The following SPAG16 variants were observed in gnomAD, a reference collection of about 807,000 sequenced individuals.
SPAG16 encodes sperm-associated antigen 16 protein.
SPAG16 carries 86 observed loss-of-function variants against 80.4 expected under a neutral mutation model. The observed-to-expected ratio is 1.07, with a 90% confidence interval of 0.90 to 1.28. The LOEUF is 1.28. Among genes scored for constraint, SPAG16 ranks in the 50% most tolerant of loss-of-function variants. The pLI is 0.00. For missense variants in SPAG16, 870 were observed against 765.3 expected, an observed-to-expected ratio of 1.14 and a Z score of -1.61; for synonymous variants, 294 against 265.9, an observed-to-expected ratio of 1.11 and a Z score of -1.03.
At chr2:214,217,295 G>A (rs1258263473) in intron 15 of SPAG16, among the ~76,000 whole-genome samples, 2 of 152,204 alleles carry the variant, frequency 1.3e-5, no homozygotes, top group Non-Finnish European at 2.9e-5. Flanking sequence ...GCTATCCCAT[G>A]CCTTACTTGT....
At chr2:213,695,490 T>G (rs1198716572) in intron 10 of SPAG16, among the ~76,000 whole-genome samples, 1 of 152,148 alleles carries the variant, frequency 6.6e-6, no homozygotes, top group Non-Finnish European at 1.5e-5. Context: ...GTAACACATA[T>G]TAGGATCCTG....
intron 13 of SPAG16, among the ~76,000 whole-genome samples, chr2:214,102,602 A>T (rs1051609145): frequency 7.9e-5 from 12 of 152,082 alleles, no homozygotes; most frequent in African/African-American, 2.9e-4. Context: ...ATTATGGTGG[A>T]TATTTTCTAA....
chr2:213,851,800 T>C (rs1470171545), intron 10 of SPAG16, among the ~76,000 whole-genome samples: 2 of 152,180 alleles, frequency 1.3e-5, no homozygotes, highest in Admixed American at 6.5e-5. Flanking sequence ...CTCTAGGGCA[T>C]TATTAATAAG....
At chr2:213,378,803 G>A (rs2067019733) in intron 9 of SPAG16, among the ~76,000 whole-genome samples, 1 of 152,146 alleles carries the variant, frequency 6.6e-6, no homozygotes, top group Admixed American at 6.5e-5. Context: ...TTCCTGAAGG[G>A]TCTGGGCCAT....
intron 9 of SPAG16, among the ~76,000 whole-genome samples, chr2:213,415,789 T>G (rs2069221145): frequency 6.6e-6 from 1 of 152,156 alleles, no homozygotes; most frequent in South Asian, 2.1e-4. Context: ...CTTGGTTAAC[T>G]GTCGTACACA....
At chr2:213,889,156 T>C (rs2076680163) in intron 11 of SPAG16, among the ~76,000 whole-genome samples, 1 of 151,988 alleles carries the variant, frequency 6.6e-6, no homozygotes, top group Admixed American at 6.6e-5. Context: ...AATGGCACTT[T>C]AAGAAGATAG....
chr2:214,153,153 G>A (rs917844214), intron 15 of SPAG16, among the ~76,000 whole-genome samples: 2 of 151,974 alleles, frequency 1.3e-5, no homozygotes, highest in Non-Finnish European at 2.9e-5. Flanking sequence ...GACACATTTC[G>A]CTACCGCTAG....
chr2:213,721,332 C>T (rs952690342), intron 10 of SPAG16, among the ~76,000 whole-genome samples: 2 of 152,058 alleles, frequency 1.3e-5, no homozygotes, highest in East Asian at 1.9e-4. Context: ...CTCCTGACCT[C>T]AAGTGATCTG....
At chr2:213,438,321 A>G (rs1050113372) in intron 9 of SPAG16, among the ~76,000 whole-genome samples, 27 of 152,332 alleles carry the variant, frequency 1.8e-4, no homozygotes, top group African/African-American at 6.5e-4. Flanking sequence ...AACAATGGCC[A>G]GGAGTGGGGA....
intron 15 of SPAG16, among the ~76,000 whole-genome samples, chr2:214,327,918 T>A (rs184284743): frequency 6.6e-6 from 1 of 152,292 alleles, no homozygotes. Context: ...AAGTCACTTA[T>A]CTAATTGATA....
At chr2:214,037,132 T>C (rs62191932) in intron 13 of SPAG16, among the ~76,000 whole-genome samples, 39,041 of 151,722 alleles carry the variant, frequency 0.26, 5,480 homozygotes, top group Non-Finnish European at 0.3. Flanking sequence ...ATTGATGAAA[T>C]GTTTGAGGTT....
intron 6 of SPAG16, among the ~76,000 whole-genome samples, chr2:213,341,060 T>G (rs1208875512): frequency 6.6e-6 from 1 of 152,204 alleles, no homozygotes; most frequent in Non-Finnish European, 1.5e-5. Context: ...TTAGATTACA[T>G]GTTTTTTTCG....
At chr2:213,965,539 C>A (rs2106363997) in intron 12 of SPAG16, among the ~76,000 whole-genome samples, 1 of 152,278 alleles carries the variant, frequency 6.6e-6, no homozygotes, top group Non-Finnish European at 1.5e-5. Flanking sequence ...TCTTTGAGGA[C>A]AGTTAGTGAG....
At position 213,840,781 on chromosome 2, in the gene SPAG16, C is replaced by T. The variant is rs562499764; in HGVS notation, c.1071-21704C>T. ...AGGAACAACCTGTCACTAGGTAGTC[C>T]TAGTGACAATGGAAGCAGAACAAGG... On this transcript the variant is annotated intron_variant, in intron 10 of 15. Transcript: ENST00000331683. 5.0e-4 allele frequency among the ~76,000 whole-genome samples: 76 copies of T among 152,106 alleles called. 1 individual carries two copies. The Middle Eastern group carries it at 0.01, about 20-fold the overall frequency.
chr2:213,293,210 T>C (rs924586976), intron 1 of SPAG16, among the ~76,000 whole-genome samples: 9 of 152,188 alleles, frequency 5.9e-5, no homozygotes, highest in Non-Finnish European at 1.3e-4. Flanking sequence ...CCTTCCGCCA[T>C]GATTGTAAGT....
chr2:214,007,248 A>T (rs946550013), intron 12 of SPAG16, among the ~76,000 whole-genome samples: 2 of 151,612 alleles, frequency 1.3e-5, no homozygotes, highest in Admixed American at 6.6e-5. Flanking sequence ...TGGTATATGA[A>T]TTTTTTTTTA....
At chr2:213,742,197 T>G (rs2067584887) in intron 10 of SPAG16, among the ~76,000 whole-genome samples, 1 of 152,098 alleles carries the variant, frequency 6.6e-6, no homozygotes, top group South Asian at 2.1e-4. Context: ...TCAATTAAAT[T>G]TTTTCCCTAA....
At chr2:213,560,954 T>G (rs949966316) in intron 10 of SPAG16, among the ~76,000 whole-genome samples, 1 of 152,190 alleles carries the variant, frequency 6.6e-6, no homozygotes, top group Non-Finnish European at 1.5e-5. Context: ...ACCTCTGCAT[T>G]CCAGGTTCAA....
chr2:213,330,651 C>T (rs554727895), intron 5 of SPAG16, among the ~76,000 whole-genome samples: 1 of 152,212 alleles, frequency 6.6e-6, no homozygotes, highest in South Asian at 2.1e-4. Flanking sequence ...TGAGTTAATG[C>T]TGAAAAGAGT....
Sources: gnomAD v4.1 joint callset for allele counts (sites outside exome capture counted in the v4.1 genomes callset) on GRCh38, gnomAD v4.1.1 for gene constraint, MANE v1.5 for transcripts, NCBI Gene and HGNC (gene_info 2026-07-23, HGNC 2026-07-21) for gene names.